The following SDK1 variants were observed in gnomAD, a reference collection of about 807,000 sequenced individuals.
SDK1 encodes protein sidekick-1.
Under a neutral mutation model 245.5 loss-of-function variants are expected in SDK1, and 157 were observed. That is an observed-to-expected ratio of 0.64 (90% CI 0.56 to 0.73). SDK1 has a LOEUF of 0.73. SDK1 is among the 30% of genes least tolerant of loss of function. The probability of loss-of-function intolerance (pLI) is 0.00; values close to 1 mark genes in which losing one functional copy is unlikely to be tolerated. For synonymous variants in SDK1, 1,647 were observed against 1,278.5 expected, an observed-to-expected ratio of 1.29 and a Z score of -6.15; for missense variants, 3,583 against 3,002.3, an observed-to-expected ratio of 1.19 and a Z score of -4.52.
intron 4 of SDK1, among the ~76,000 whole-genome samples, chr7:3,709,839 G>T (rs1052251458): frequency 1.2e-4 from 18 of 152,116 alleles, no homozygotes; most frequent in African/African-American, 4.3e-4. Flanking sequence ...GAAGCTGTAG[G>T]CTCTCTCCTC....
At chr7:3,930,942 G>C (rs1363291336) in intron 5 of SDK1, among the ~76,000 whole-genome samples, 1 of 152,196 alleles carries the variant, frequency 6.6e-6, no homozygotes, top group Non-Finnish European at 1.5e-5. Flanking sequence ...CCATTTCTTA[G>C]AAAAGTCTAG....
intron 28 of SDK1, among the ~76,000 whole-genome samples, chr7:4,140,890 C>T (rs897916119): frequency 6.6e-6 from 1 of 152,052 alleles, no homozygotes; most frequent in Admixed American, 6.6e-5. Flanking sequence ...TCGCTTGAGC[C>T]GAGGAGTTCA....
chr7:3,546,166 G>T (rs115476616), intron 1 of SDK1, among the ~76,000 whole-genome samples: 4,509 of 152,276 alleles, frequency 0.03, 211 homozygotes, highest in African/African-American at 0.097. Context: ...GTGGTCTGGG[G>T]TGGGGCCTGG....
intron 31 of SDK1, among the ~76,000 whole-genome samples, chr7:4,159,076 G>A (rs1780953502): frequency 6.6e-6 from 1 of 152,238 alleles, no homozygotes; most frequent in African/African-American, 2.4e-5. Context: ...GTCCAGCGGT[G>A]ATCACAGGAC....
intron 29 of SDK1, among the ~76,000 whole-genome samples, chr7:4,147,107 G>C (rs758074233): frequency 6.6e-6 from 1 of 152,222 alleles, no homozygotes; most frequent in Non-Finnish European, 1.5e-5. Context: ...GACCCTGTGG[G>C]AATGAGGACG....
chr7:4,222,084 C>A (rs564741356), intron 40 of SDK1, among the ~76,000 whole-genome samples: 16 of 152,222 alleles, frequency 1.1e-4, no homozygotes, highest in African/African-American at 3.6e-4. Context: ...GTGTCAGGGA[C>A]GCTATTCAGG....
chr7:4,065,458 A>AC (rs11388221), intron 19 of SDK1, among the ~76,000 whole-genome samples: 39,087 of 151,932 alleles, frequency 0.26, 7,598 homozygotes, highest in African/African-American at 0.56. Context: ...AAGCAGAAAC[A>AC]TAATATAAAA....
At chr7:3,535,484 G>A (rs564264143) in intron 1 of SDK1, among the ~76,000 whole-genome samples, 11 of 152,082 alleles carry the variant, frequency 7.2e-5, no homozygotes, top group African/African-American at 2.7e-4. Context: ...AAGAAAGCTG[G>A]CTGGGGACCC....
chr7:3,881,130 T>C lies in SDK1; in HGVS notation c.847+59547T>C, dbSNP rs538757058. 1.5e-3 allele frequency among the ~76,000 whole-genome samples: 236 copies of C among 152,296 alleles called. 2 individuals are homozygous for C. Among genetic ancestry groups the C allele is most frequent in the African/African-American group, 5.5e-3 (230 of 41,552 alleles). ...CAGCTTTTAAGTTCCGGAGTGCTTGTGCATGAGGTGCAGGTTTGTTACGCA... is the reference window on the plus strand; with the variant it reads ...CAGCTTTTAAGTTCCGGAGTGCTTGCGCATGAGGTGCAGGTTTGTTACGCA... On this transcript the variant is annotated intron_variant, in intron 5 of 44. Coordinates refer to ENST00000404826, the MANE Select transcript of SDK1 (RefSeq NM_152744.4).
At position 3,592,595 on chromosome 7, in the gene SDK1, C is replaced by T. The variant is rs996503464; in HGVS notation, c.299-26485C>T. On this transcript the variant is annotated intron_variant, in intron 1 of 44. Coordinates refer to ENST00000404826, the MANE Select transcript of SDK1 (RefSeq NM_152744.4). ...TTATTTTTCCCTGAGCTGGATTTTACCCTCTGTTTACTTATGTTGGTGTTC... is the reference window on the plus strand; with the variant it reads ...TTATTTTTCCCTGAGCTGGATTTTATCCTCTGTTTACTTATGTTGGTGTTC... Among the ~76,000 whole-genome samples the T allele has an allele frequency of 3.9e-5, 6 of 152,074 alleles. No homozygotes were observed. In the South Asian group the frequency reaches 1.2e-3, roughly 32 times the overall value.
chr7:3,585,324 G>C (rs1780649354), intron 1 of SDK1, among the ~76,000 whole-genome samples: 1 of 152,214 alleles, frequency 6.6e-6, no homozygotes, highest in South Asian at 2.1e-4. Context: ...GAGGAAACAG[G>C]TAGTTGATGA....
chr7:3,658,316 GCCC>G (rs1562636522), intron 4 of SDK1, among the ~76,000 whole-genome samples: 17 of 152,114 alleles, frequency 1.1e-4, no homozygotes, highest in Non-Finnish European at 2.5e-4. Flanking sequence ...CCAAGTGACA[GCCC>G]CTAATATCGA....
At chr7:3,608,519 A>G (rs1781492209) in intron 1 of SDK1, among the ~76,000 whole-genome samples, 1 of 152,240 alleles carries the variant, frequency 6.6e-6, no homozygotes, top group Non-Finnish European at 1.5e-5. Flanking sequence ...GCTCATAAGT[A>G]AAAATTAGCA....
chr7:3,393,591 G>T (rs187659897), intron 1 of SDK1, among the ~76,000 whole-genome samples: 1 of 152,128 alleles, frequency 6.6e-6, no homozygotes, highest in Non-Finnish European at 1.5e-5. Flanking sequence ...AGAATACTAC[G>T]TAGCAGTTAA....
intron 5 of SDK1, among the ~76,000 whole-genome samples, chr7:3,884,016 T>G (rs1032240559): frequency 6.6e-6 from 1 of 152,184 alleles, no homozygotes; most frequent in Non-Finnish European, 1.5e-5. Context: ...TTTAAAACTT[T>G]ACACAATGTC....
chr7:3,342,717 C>T (rs1050172453), intron 1 of SDK1, among the ~76,000 whole-genome samples: 2 of 152,054 alleles, frequency 1.3e-5, no homozygotes, highest in Non-Finnish European at 2.9e-5. Context: ...GACTTTTTCT[C>T]CATGAAAGAG....
chr7:3,619,518 A>G (rs1781869415), intron 2 of SDK1, among the ~76,000 whole-genome samples: 1 of 152,242 alleles, frequency 6.6e-6, no homozygotes, highest in Non-Finnish European at 1.5e-5. Context: ...CAATGCCAAT[A>G]ACAGCTTTGG....
chr7:3,876,968 A>G (rs1781091799), intron 5 of SDK1, among the ~76,000 whole-genome samples: 1 of 152,234 alleles, frequency 6.6e-6, no homozygotes, highest in East Asian at 1.9e-4. Flanking sequence ...AAAGACTTTT[A>G]TGCTAAGATA....
At chr7:3,761,419 T>C (rs1780098166) in intron 4 of SDK1, among the ~76,000 whole-genome samples, 1 of 151,636 alleles carries the variant, frequency 6.6e-6, no homozygotes, top group South Asian at 2.1e-4. Flanking sequence ...CCAGGCGTGG[T>C]GGTGGGCACC....
Sources: gnomAD v4.1 joint callset for allele counts (sites outside exome capture counted in the v4.1 genomes callset) on GRCh38, gnomAD v4.1.1 for gene constraint, MANE v1.5 for transcripts, NCBI Gene and HGNC (gene_info 2026-07-23, HGNC 2026-07-21) for gene names.